The following TSPOAP1 variants were observed in gnomAD, a reference collection of about 807,000 sequenced individuals.
TSPOAP1 encodes peripheral-type benzodiazepine receptor-associated protein 1.
A neutral mutation model predicts 197.0 loss-of-function variants in TSPOAP1; 87 were observed. The observed-to-expected ratio is 0.44, with a 90% CI of 0.37 to 0.53. TSPOAP1 has a LOEUF of 0.53. TSPOAP1 is among the 20% of genes least tolerant of loss of function. The pLI is 0.00. For synonymous variants in TSPOAP1, 913 were observed against 998.9 expected (o/e 0.91, Z 1.62); for missense variants, 2,174 against 2,411.3 (o/e 0.90, Z 2.06).
intron 16 of TSPOAP1, 124 bp downstream of exon 16, chr17:58,315,899 G>GGAT: frequency 1.4e-6 from 1 of 726,332 alleles, no homozygotes; most frequent in Non-Finnish European, 2.4e-6. Flanking sequence ...GGGGATGGAT[G>GGAT]GATGGATGGA....
rs372428780 is a variant in TSPOAP1 at position 58,312,178 on chromosome 17, G to C, written c.2643C>G (p.Ala881=). The C allele has an allele frequency of 5.6e-6, 9 of 1,612,812 alleles. No homozygotes were observed. The highest frequency in any genetic ancestry group is 7.6e-6 in the Non-Finnish European group (9 of 1,179,974). Residue 881 remains alanine, a synonymous_variant, in exon 17 of 32, where the codon GCC becomes GCG. Coordinates refer to ENST00000343736, the MANE Select transcript of TSPOAP1 (RefSeq NM_004758.4). Reference sequence around the variant, plus strand: ...CCCGCAGCTGGCTGGGCACCACTCCGGCCCGGGCACCCACCGCCAAGCAAC... The same window carrying C: ...CCCGCAGCTGGCTGGGCACCACTCCCGCCCGGGCACCCACCGCCAAGCAAC... The part of the protein sequence containing the change: ...LRCCLAVGAR[A]GVVPSQLRVH...
In TSPOAP1 at chr17:58,309,972, C is replaced by T. The variant is rs1971029406; in HGVS notation, c.3886G>A (p.Ala1296Thr). The change falls in exon 21 of 32, where the codon GCC (alanine) becomes ACC (threonine). Residue 1296 changes from alanine to threonine, a missense_variant. This residue lies in a region of TSPOAP1 where 1,933 missense variants were observed against 2,139.0 expected (regional missense o/e 0.90). Coordinates refer to ENST00000343736, the MANE Select transcript of TSPOAP1 (RefSeq NM_004758.4). This position sits in a 1 kb window ranked among gnomAD's most constrained non-coding sequence, Gnocchi z 5.0. ...VAGNSIRENG[A>T]KSQPDPFCET... ...GCCCATCCCTACCCCGTTACCTTGG[C>T]CCCATTCTCCCTGATGCTGTTGCCA... 6.2e-7 allele frequency: 1 copy of T among 1,610,962 alleles called. No individual in the cohort carries two copies. Among genetic ancestry groups the T allele is most frequent in the Non-Finnish European group, 8.5e-7 (1 of 1,178,394 alleles).
chr17:58,307,806 C>T, intron 23 of TSPOAP1, 36 bp downstream of exon 23: 2 of 1,613,566 alleles, frequency 1.2e-6, no homozygotes, highest in Non-Finnish European at 1.7e-6. Flanking sequence ...GAGCTCTGGC[C>T]GAGCAGCTCT....
intron 7 of TSPOAP1, 68 bp downstream of exon 7, chr17:58,323,230 G>C (rs1971455000): frequency 6.3e-7 from 1 of 1,577,942 alleles, no homozygotes; most frequent in Non-Finnish European, 8.7e-7. Context: ...GAGCTGAGAG[G>C]GAGCCCACCA....
rs375715650 is a variant in TSPOAP1 at position 58,327,951 on chromosome 17, C to A, written c.-31G>T. The A allele has an allele frequency of 1.3e-6, 2 of 1,539,284 alleles. No homozygotes were observed. Among genetic ancestry groups the A allele is most frequent in the South Asian group, 1.2e-5 (1 of 83,882 alleles). On this transcript the variant is annotated 5_prime_UTR_variant, in exon 1 of 32. Transcript: ENST00000343736. ...TGCCAAGGGGCCCCAGAACCCGGGC[C>A]GGGGGACATCACCCAGCCAGGTGGG...
At position 58,304,420 on chromosome 17, in the gene TSPOAP1, G is replaced by C; in HGVS notation, c.5545-21C>G. 1 of 1,609,272 alleles carries C rather than the reference G, an allele frequency of 6.2e-7. No individual in the cohort carries two copies. The highest frequency in any genetic ancestry group is 8.5e-7 in the Non-Finnish European group (1 of 1,175,632). ...GTTCTCTGAGGACAGGGAACAAAGA[G>C]AGGAGATGGGTTACCGACAGACCCG... On this transcript the variant is annotated intron_variant, in intron 30 of 31. Coordinates refer to ENST00000343736, the MANE Select transcript of TSPOAP1 (RefSeq NM_004758.4). The surrounding 1 kb of genome is among the most constrained non-coding windows in gnomAD (Gnocchi z 4.2).
chr17:58,308,659 C>T lies in TSPOAP1; in HGVS notation c.4613G>A (p.Gly1538Glu). Reference sequence around the variant, plus strand: ...GGGGCCTGAATTGGCCTTCGGAGGCCCCCTGGGCCTTCCTACAGTTGCTGT... The same window carrying T: ...GGGGCCTGAATTGGCCTTCGGAGGCTCCCTGGGCCTTCCTACAGTTGCTGT... ...WGTATVGRPR[G>E]PPKANSGPKP... The change falls in exon 22 of 32, where the codon GGG (glycine) becomes GAG (glutamate). Residue 1538 changes from glycine to glutamate, a missense_variant. Transcript: ENST00000343736. 1 of 1,612,114 alleles carries T rather than the reference C, an allele frequency of 6.2e-7. No individual in the cohort carries two copies. The highest frequency in any genetic ancestry group is 8.5e-7 in the Non-Finnish European group (1 of 1,179,294).
intron 16 of TSPOAP1, among the ~76,000 whole-genome samples, chr17:58,314,806 C>T (rs778952396): frequency 1.3e-5 from 2 of 152,264 alleles, no homozygotes; most frequent in African/African-American, 4.8e-5. Flanking sequence ...AGGGCTGAAG[C>T]TGGAGCCTGG....
Position 58,322,408 on chromosome 17 carries a change from A to G in TSPOAP1, c.1322T>C (p.Met441Thr), listed in dbSNP as rs745333625. The G allele has an allele frequency of 1.0e-5, 16 of 1,606,018 alleles. No homozygotes were observed. In the Admixed American group the frequency reaches 1.2e-4, roughly 12 times the overall value. ...CTGCCGCCGCTGGGCCACCTCCCGC[A>G]TGTGCTGAAACACAAGATCTGAGTC... ...LESLEQVLKH[M>T]REVAQRRQQL... The change falls in exon 10 of 32, where the codon ATG (methionine) becomes ACG (threonine). Residue 441 changes from methionine to threonine, a missense_variant. Physicochemically the swap from Met to Thr is moderately conservative, Grantham distance 81. This residue lies in a region of TSPOAP1 where 1,933 missense variants were observed against 2,139.0 expected (regional missense o/e 0.90). Coordinates refer to ENST00000343736, the MANE Select transcript of TSPOAP1 (RefSeq NM_004758.4). The surrounding 1 kb of genome is among the most constrained non-coding windows in gnomAD (Gnocchi z 5.0).
In TSPOAP1 at chr17:58,325,712, A is replaced by G. The variant is rs1971570637; in HGVS notation, c.572T>C (p.Val191Ala). 1 of 1,603,784 alleles carries G rather than the reference A, an allele frequency of 6.2e-7. No individual in the cohort carries two copies. The highest frequency in any genetic ancestry group is 1.3e-5 in the African/African-American group (1 of 74,740). The change falls in exon 4 of 32, where the codon GTG becomes GCG. Residue 191 changes from valine (V) to alanine (A), a missense_variant and splice_region_variant. This residue lies in a region of TSPOAP1 where 1,933 missense variants were observed against 2,139.0 expected (regional missense o/e 0.90). Coordinates refer to ENST00000343736, the MANE Select transcript of TSPOAP1 (RefSeq NM_004758.4). Reference protein sequence around the residue: ...RKLQETNLRVVSAPLPRPGTS... With the variant: ...RKLQETNLRVASAPLPRPGTS... ...CCCCGGCCGGGGCAAGGGGGCACTC[A>G]CCTAGCCAGAGGAGGGGTAAGGCCA...
In TSPOAP1 at chr17:58,326,638, G is replaced by C; in HGVS notation, c.441+45C>G. ...GGTGAGGAGGGCACTGAGGCAGAGG[G>C]CCTGGCTCCAGCCAGAACGCAGCAC... is the stretch of plus-strand genomic sequence containing the variant. On this transcript the variant is annotated intron_variant, in intron 2 of 31. Coordinates refer to ENST00000343736, the MANE Select transcript of TSPOAP1 (RefSeq NM_004758.4). This position sits in a 1 kb window ranked among gnomAD's most constrained non-coding sequence, Gnocchi z 4.7. 6.3e-7 allele frequency: 1 copy of C among 1,593,038 alleles called. No individual in the cohort carries two copies. The highest frequency in any genetic ancestry group is 8.6e-7 in the Non-Finnish European group (1 of 1,161,628).
Position 58,304,791 on chromosome 17 carries a change from C to T in TSPOAP1, c.5544+270G>A, listed in dbSNP as rs1598053835. ...GGTCCTTTTCCACAGGGCCCCCTCA[C>T]CTGCGTCAGCCACCAGGTGTTGGCA... On this transcript the variant is annotated intron_variant, in intron 30 of 31. Coordinates refer to ENST00000343736, the MANE Select transcript of TSPOAP1 (RefSeq NM_004758.4). The surrounding 1 kb of genome is among the most constrained non-coding windows in gnomAD (Gnocchi z 4.2). 5 of 607,862 alleles carry T rather than the reference C, an allele frequency of 8.2e-6. No individual in the cohort carries two copies. The highest frequency in any genetic ancestry group is 1.8e-5 in the African/African-American group (1 of 55,134). 37.7% of individuals were successfully genotyped at this position (607,862 alleles called of 1,614,324 possible).
chr17:58,324,886 C>A lies in TSPOAP1; in HGVS notation c.867G>T (p.Pro289=), dbSNP rs1466972791. Residue 289 remains proline, a synonymous_variant, in exon 5 of 32, where the codon CCG becomes CCT. Transcript: ENST00000343736. This position sits in a 1 kb window ranked among gnomAD's most constrained non-coding sequence, Gnocchi z 5.8. ...IALRNQRETL[P]LPPSWPPGPA... is the part of the protein sequence containing the mutation. Reference sequence around the variant, plus strand: ...GGCCCGGGGGCCAGGACGGCGGGAGCGGGAGCGTCTCCCGCTGGTTGCGCA... The same window carrying A: ...GGCCCGGGGGCCAGGACGGCGGGAGAGGGAGCGTCTCCCGCTGGTTGCGCA... 1 of 1,532,130 alleles carries A rather than the reference C, an allele frequency of 6.5e-7. No homozygotes were observed. The highest frequency in any genetic ancestry group is 2.0e-5 in the Admixed American group (1 of 50,856). 94.9% of individuals were successfully genotyped at this position (1,532,130 alleles called of 1,614,324 possible). A position where few individuals can be genotyped will look rare whatever the true frequency, so the allele number is the denominator to read the frequency against.
Position 58,316,148 on chromosome 17 carries a change from C to T in TSPOAP1, c.1989-16G>A. ...GGGGTTGTAGCTGTTAGGGGAGGCA[C>T]AGAGGAGGAGGAGGAGAGTGACCTA... On this transcript the variant is annotated splice_polypyrimidine_tract_variant and intron_variant, in intron 15 of 31. Coordinates refer to ENST00000343736, the MANE Select transcript of TSPOAP1 (RefSeq NM_004758.4). The T allele has an allele frequency of 1.3e-6, 2 of 1,589,598 alleles. No individual in the cohort carries two copies. Among genetic ancestry groups the T allele is most frequent in the Non-Finnish European group, 1.7e-6 (2 of 1,157,960 alleles).
intron 16 of TSPOAP1, among the ~76,000 whole-genome samples, chr17:58,314,819 C>T (rs529111869): frequency 7.2e-5 from 11 of 152,210 alleles, no homozygotes; most frequent in Admixed American, 6.5e-4. Context: ...GAGCCTGGGC[C>T]GGAGTCAGGC....
rs2143086319 is a variant in TSPOAP1 at position 58,317,811 on chromosome 17, A to C, written c.1872+469T>G. 1.3e-5 allele frequency among the ~76,000 whole-genome samples: 2 copies of C among 152,286 alleles called. 1 individual carries two copies. The highest frequency in any genetic ancestry group is 4.1e-4 in the South Asian group (2 of 4,828). On this transcript the variant is annotated intron_variant, in intron 14 of 31. Coordinates refer to ENST00000343736, the MANE Select transcript of TSPOAP1 (RefSeq NM_004758.4). ...TCCGTATTCATTTAACTCTCACAAC[A>C]ACCTTAGAAGGCAGGTTTTATTAGC... is the stretch of plus-strand genomic sequence containing the variant.
Position 58,311,059 on chromosome 17 carries a change from G to A in TSPOAP1, c.3236C>T (p.Ala1079Val). ...GACTCGGGCTGGCAGGCTGGCCGGAGCCAGGGCGGGAGTGATAGGAGCCGG... is the reference window on the plus strand; with the variant it reads ...GACTCGGGCTGGCAGGCTGGCCGGAACCAGGGCGGGAGTGATAGGAGCCGG... ...SIPAPITPALAPASLPARVSC... is the reference protein window; with the variant it reads ...SIPAPITPALVPASLPARVSC... The change falls in exon 19 of 32, where the codon GCT becomes GTT. Residue 1079 changes from alanine (A) to valine (V), a missense_variant. This residue lies in a region of TSPOAP1 where 1,933 missense variants were observed against 2,139.0 expected (regional missense o/e 0.90). Transcript: ENST00000343736. The A allele has an allele frequency of 1.3e-6, 2 of 1,579,182 alleles. No individual in the cohort carries two copies. The highest frequency in any genetic ancestry group is 1.7e-6 in the Non-Finnish European group (2 of 1,162,888).
intron 13 of TSPOAP1, 113 bp from the exon 14 acceptor site, chr17:58,318,565 C>A: frequency 9.5e-7 from 1 of 1,048,260 alleles, no homozygotes; most frequent in South Asian, 1.7e-5. Context: ...GGCTTCCTTA[C>A]AAAAAGGGAA....
intron 18 of TSPOAP1, 62 bp from the exon 19 acceptor site, chr17:58,311,275 CACTGACAGCAGTGGCAGCTA>C (rs1039911882): frequency 4.9e-5 from 78 of 1,580,998 alleles, no homozygotes; most frequent in Admixed American, 1.6e-4. Flanking sequence ...CGTGAGGATG[CACTGACAGCAGTGGCAGCTA>C]ACTGACAGCA....
Sources: gnomAD v4.1 joint callset for allele counts (sites outside exome capture counted in the v4.1 genomes callset) on GRCh38, gnomAD v4.1.1 for gene constraint, gnomAD v4.1.1 regional missense constraint, Gnocchi (gnomAD v3.1) non-coding constraint, MANE v1.5 for transcripts, NCBI Gene and HGNC (gene_info 2026-07-23, HGNC 2026-07-21) for gene names.